FAR2: variants seen among roughly 807,000 people sequenced by gnomAD.
FAR2 encodes epididymis secretory protein Li 81.
Under a neutral mutation model 56.0 loss-of-function variants are expected in FAR2, and 19 were observed. That is an observed-to-expected ratio of 0.34 (90% CI 0.24 to 0.50). The LOEUF is 0.50. FAR2 is among the 20% of genes least tolerant of loss of function. The probability of loss-of-function intolerance (pLI) is 0.98; values close to 1 mark genes in which losing one functional copy is unlikely to be tolerated. For synonymous variants in FAR2, 219 were observed against 218.8 expected, an observed-to-expected ratio of 1.00 and a Z score of -0.01; for missense variants, 508 against 642.2, an observed-to-expected ratio of 0.79 and a Z score of 2.26.
intron 1 of FAR2, among the ~76,000 whole-genome samples, chr12:29,236,454 G>A (rs936978841): frequency 4.6e-5 from 7 of 152,170 alleles, no homozygotes; most frequent in Non-Finnish European, 7.4e-5. Context: ...AAGGAAAGAC[G>A]TTTGATTGAC....
chr12:29,219,580 C>A (rs1297052079), intron 1 of FAR2, among the ~76,000 whole-genome samples: 1 of 151,748 alleles, frequency 6.6e-6, no homozygotes, highest in Non-Finnish European at 1.5e-5. Flanking sequence ...ATGAGAAAAC[C>A]TTCTGATAAT....
intron 10 of FAR2, among the ~76,000 whole-genome samples, chr12:29,323,012 G>A (rs932938640): frequency 9.9e-5 from 15 of 152,226 alleles, no homozygotes; most frequent in African/African-American, 3.1e-4. Context: ...GAAATCACCC[G>A]TCTTCTGCGT....
intron 1 of FAR2, among the ~76,000 whole-genome samples, chr12:29,261,181 G>A (rs1283115253): frequency 6.6e-6 from 1 of 152,074 alleles, no homozygotes; most frequent in African/African-American, 2.4e-5. Flanking sequence ...ACCAATCCAA[G>A]GTAACACAGA....
chr12:29,185,690 G>A (rs181857412), intron 1 of FAR2, among the ~76,000 whole-genome samples: 1 of 152,176 alleles, frequency 6.6e-6, no homozygotes, highest in African/African-American at 2.4e-5. Flanking sequence ...ATCTGCCTTT[G>A]ACATGGGATA....
chr12:29,186,306 CTG>C (rs769762821), intron 1 of FAR2, among the ~76,000 whole-genome samples: 1 of 152,176 alleles, frequency 6.6e-6, no homozygotes, highest in Non-Finnish European at 1.5e-5. Flanking sequence ...CTAGGAGATC[CTG>C]TGTGTCTTTC....
intron 10 of FAR2, among the ~76,000 whole-genome samples, chr12:29,330,202 G>A (rs1176321658): frequency 1.3e-5 from 2 of 151,918 alleles, no homozygotes; most frequent in Admixed American, 1.3e-4. Flanking sequence ...GACTACAGGC[G>A]CATGCCACGA....
At chr12:29,284,079 A>G (rs1231779953) in intron 2 of FAR2, among the ~76,000 whole-genome samples, 2 of 152,220 alleles carry the variant, frequency 1.3e-5, no homozygotes, top group Admixed American at 1.3e-4. Flanking sequence ...TTAAGTTGCT[A>G]ATAATCTACT....
At chr12:29,245,483 G>C (rs564677985) in intron 1 of FAR2, among the ~76,000 whole-genome samples, 8 of 152,068 alleles carry the variant, frequency 5.3e-5, no homozygotes, top group Non-Finnish European at 1.2e-4. Flanking sequence ...GTTGGGCTTG[G>C]GGGGTCTCCA....
intron 1 of FAR2, among the ~76,000 whole-genome samples, chr12:29,206,224 C>A (rs1005632871): frequency 6.6e-6 from 1 of 152,212 alleles, no homozygotes; most frequent in African/African-American, 2.4e-5. Flanking sequence ...CATATTGGAT[C>A]ACAGTGACTT....
chr12:29,161,415 T>A (rs1478339614), intron 1 of FAR2, among the ~76,000 whole-genome samples: 1 of 152,240 alleles, frequency 6.6e-6, no homozygotes, highest in African/African-American at 2.4e-5. Flanking sequence ...TACTTTTTTT[T>A]ACATCTGGCT....
chr12:29,325,577 G>C (rs1397959891), intron 10 of FAR2, among the ~76,000 whole-genome samples: 1 of 152,110 alleles, frequency 6.6e-6, no homozygotes, highest in African/African-American at 2.4e-5. Flanking sequence ...AATCAAACTA[G>C]AACTCAGGAT....
chr12:29,294,882 T>TC (rs1481688342), intron 3 of FAR2, among the ~76,000 whole-genome samples: 3 of 152,178 alleles, frequency 2.0e-5, no homozygotes, highest in African/African-American at 7.2e-5. Flanking sequence ...ATTTTTTTTT[T>TC]CTGCCACATG....
At chr12:29,233,392 T>A (rs947764167) in intron 1 of FAR2, among the ~76,000 whole-genome samples, 3 of 152,142 alleles carry the variant, frequency 2.0e-5, no homozygotes, top group Non-Finnish European at 4.4e-5. Flanking sequence ...CACTCTTCAC[T>A]ATCCTCCTCA....
At chr12:29,325,531 A>G (rs1457660674) in intron 10 of FAR2, among the ~76,000 whole-genome samples, 1 of 152,206 alleles carries the variant, frequency 6.6e-6, no homozygotes, top group Non-Finnish European at 1.5e-5. Context: ...GTAAAAGAAC[A>G]GAAATTATAA....
chr12:29,298,315 CTA>C (rs1218275529), intron 4 of FAR2, among the ~76,000 whole-genome samples: 1 of 149,192 alleles, frequency 6.7e-6, no homozygotes, highest in Non-Finnish European at 1.5e-5. Context: ...TTGTAAAAAA[CTA>C]TATAAAAAGT....
chr12:29,333,167 G>A, intron 11 of FAR2: 1 of 323,060 alleles, frequency 3.1e-6, no homozygotes, highest in Non-Finnish European at 6.0e-6. Flanking sequence ...AATCCCTGAG[G>A]GACAAGGAAT....
At chr12:29,301,144 GAAGT>G (rs1211871729) in intron 4 of FAR2, among the ~76,000 whole-genome samples, 13 of 152,194 alleles carry the variant, frequency 8.5e-5, no homozygotes, top group African/African-American at 2.9e-4. Context: ...CCAGAAAGAT[GAAGT>G]TAGTACAAAA....
At chr12:29,306,523 T>C (rs1949256415) in intron 4 of FAR2, among the ~76,000 whole-genome samples, 1 of 152,224 alleles carries the variant, frequency 6.6e-6, no homozygotes, top group Admixed American at 6.5e-5. Flanking sequence ...TTCTGTTCTG[T>C]TCTATAAAAT....
intron 1 of FAR2, among the ~76,000 whole-genome samples, chr12:29,201,480 C>T (rs1337952883): frequency 6.6e-6 from 1 of 152,168 alleles, no homozygotes; most frequent in East Asian, 1.9e-4. Flanking sequence ...ACCAAACCAT[C>T]TGGCCCCTTA....
Sources: gnomAD v4.1 joint callset for allele counts (sites outside exome capture counted in the v4.1 genomes callset) on GRCh38, gnomAD v4.1.1 for gene constraint, MANE v1.5 for transcripts, NCBI Gene and HGNC (gene_info 2026-07-23, HGNC 2026-07-21) for gene names.